ASB5: variants seen among roughly 807,000 people sequenced by gnomAD.
The protein encoded by ASB5 is ankyrin repeat and SOCS box containing 5.
Under a neutral mutation model 42.1 loss-of-function variants are expected in ASB5, and 45 were observed. That is an observed-to-expected ratio of 1.07 (90% CI 0.84 to 1.37). ASB5 has a LOEUF of 1.37. ASB5 is among the 40% of genes most tolerant of loss of function. The probability of loss-of-function intolerance (pLI) is 0.00; values close to 1 mark genes in which losing one functional copy is unlikely to be tolerated. For synonymous variants in ASB5, 147 were observed against 150.6 expected (o/e 0.98, Z 0.18); for missense variants, 402 against 399.8 (o/e 1.01, Z -0.05).
chr4:176,251,116 A>G (rs1236276677), intron 1 of ASB5, among the ~76,000 whole-genome samples: 1 of 151,940 alleles, frequency 6.6e-6, no homozygotes, highest in African/African-American at 2.4e-5. Context: ...CATCTTACAC[A>G]TAAACCTTCT....
In ASB5 at chr4:176,239,121, C is replaced by T. The variant is rs368634792; in HGVS notation, c.197-13780G>A. ...GCCCAGGCTATTTGTATGGGTGGCA[C>T]ATTCCTAGGTGAAGTTAGAAAAGAC... is the stretch of plus-strand genomic sequence containing the variant. On this transcript the variant is annotated intron_variant, in intron 1 of 6. Transcript: ENST00000296525. 7.2e-5 allele frequency among the ~76,000 whole-genome samples: 11 copies of T among 152,250 alleles called. No individual in the cohort carries two copies. In the East Asian group the frequency reaches 1.7e-3, roughly 24 times the overall value.
At chr4:176,226,877 C>G (rs537365887) in intron 1 of ASB5, among the ~76,000 whole-genome samples, 1 of 152,198 alleles carries the variant, frequency 6.6e-6, no homozygotes, top group African/African-American at 2.4e-5. Context: ...AGCTGAGCCC[C>G]GCGTCTGAAG....
At chr4:176,256,594 GT>G (rs951753434) in intron 1 of ASB5, among the ~76,000 whole-genome samples, 6 of 152,078 alleles carry the variant, frequency 3.9e-5, no homozygotes, top group Non-Finnish European at 8.8e-5. Flanking sequence ...TAAATGGTTT[GT>G]TTTTCTTTTT....
intron 1 of ASB5, among the ~76,000 whole-genome samples, chr4:176,247,505 A>G (rs1458017454): frequency 6.6e-6 from 1 of 152,240 alleles, no homozygotes; most frequent in Non-Finnish European, 1.5e-5. Context: ...ATAAGAGCCC[A>G]TAAGCAGACT....
At chr4:176,217,923 T>A (rs1372803451) in intron 5 of ASB5, among the ~76,000 whole-genome samples, 1 of 151,908 alleles carries the variant, frequency 6.6e-6, no homozygotes, top group African/African-American at 2.4e-5. Flanking sequence ...TGTCCCTTTA[T>A]GGCCCTTCTG....
At chr4:176,229,296 G>A (rs891208064) in intron 1 of ASB5, among the ~76,000 whole-genome samples, 3 of 152,170 alleles carry the variant, frequency 2.0e-5, no homozygotes, top group African/African-American at 7.2e-5. Context: ...GCCTAGAGAC[G>A]TGGCCTTTGG....
chr4:176,224,703 C>A, intron 2 of ASB5, among the ~76,000 whole-genome samples: 1 of 150,586 alleles, frequency 6.6e-6, no homozygotes. Flanking sequence ...TCAGAAGCTT[C>A]AAAAAAAAAA....
At chr4:176,250,052 G>T (rs1579329137) in intron 1 of ASB5, among the ~76,000 whole-genome samples, 1 of 142,166 alleles carries the variant, frequency 7.0e-6, no homozygotes, top group Non-Finnish European at 1.5e-5. Flanking sequence ...GTGACAGAGT[G>T]AGACTCCATC....
rs145043214 is a variant in ASB5 at position 176,221,288 on chromosome 4, A to T, written c.537T>A (p.Gly179=). 1 of 1,613,834 alleles carries T rather than the reference A, an allele frequency of 6.2e-7. No individual in the cohort carries two copies. Among genetic ancestry groups the T allele is most frequent in the Non-Finnish European group, 8.5e-7 (1 of 1,179,890 alleles). Residue 179 remains glycine (G), a splice_region_variant and synonymous_variant, in exon 5 of 7, where the codon GGT becomes GGA. Transcript: ENST00000296525. ...TCAGGATGTCAAGACATTCATGGTG[A>T]CCTGCCAACACAAAGTAGAGGAGTT... is the stretch of plus-strand genomic sequence containing the variant. ...PSPTHEAASK[G]HHECLDILIS...
chr4:176,229,982 G>C (rs949401556), intron 1 of ASB5, among the ~76,000 whole-genome samples: 2 of 152,164 alleles, frequency 1.3e-5, no homozygotes, highest in Non-Finnish European at 2.9e-5. Context: ...AAATGGGATC[G>C]GGTGTAGGAA....
Position 176,222,492 on chromosome 4 carries a change from T to C in ASB5, c.277-72A>G, listed in dbSNP as rs938226483. On this transcript the variant is annotated intron_variant, in intron 2 of 6. Transcript: ENST00000296525. ...AAAAAATCATCTATATGGATGTCAC[T>C]AGAGAGTGATATATTTTAGACATCA... 24 of 1,274,520 alleles carry C rather than the reference T, an allele frequency of 1.9e-5. No individual in the cohort carries two copies. In the African/African-American group the frequency reaches 3.5e-4, roughly 18 times the overall value. 79.0% of individuals were successfully genotyped at this position (1,274,520 alleles called of 1,614,324 possible). A position where few individuals can be genotyped will look rare whatever the true frequency, so the allele number is the denominator to read the frequency against.
intron 5 of ASB5, among the ~76,000 whole-genome samples, 183 bp downstream of exon 5, chr4:176,220,972 G>T (rs964342046): frequency 2.0e-5 from 3 of 152,054 alleles, no homozygotes; most frequent in East Asian, 1.9e-4. Flanking sequence ...CAAGAACGAG[G>T]TTCTTTTTTA....
intron 1 of ASB5, among the ~76,000 whole-genome samples, chr4:176,255,320 A>C (rs1052365761): frequency 1.3e-5 from 2 of 152,244 alleles, no homozygotes; most frequent in African/African-American, 4.8e-5. Flanking sequence ...TTTCTCAAGG[A>C]ACTAAGAGTT....
chr4:176,222,597 T>A (rs961167361), intron 2 of ASB5, among the ~76,000 whole-genome samples, 177 bp from the exon 3 acceptor site: 5 of 152,200 alleles, frequency 3.3e-5, no homozygotes, highest in African/African-American at 9.7e-5. Context: ...TTGTTCAGAC[T>A]CCTTAGCCCT....
At chr4:176,237,767 C>A (rs1416133123) in intron 1 of ASB5, among the ~76,000 whole-genome samples, 2 of 152,196 alleles carry the variant, frequency 1.3e-5, no homozygotes, top group South Asian at 4.1e-4. Context: ...GAAATGAGCT[C>A]TATCGTTAAA....
intron 5 of ASB5, among the ~76,000 whole-genome samples, chr4:176,218,137 T>C (rs907382249): frequency 8.4e-6 from 1 of 118,836 alleles, no homozygotes; most frequent in Non-Finnish European, 1.9e-5. Flanking sequence ...ATATATATAT[T>C]TGTATGATAT....
chr4:176,230,898 T>A (rs967508338), intron 1 of ASB5, among the ~76,000 whole-genome samples: 30 of 152,222 alleles, frequency 2.0e-4, no homozygotes, highest in African/African-American at 6.0e-4. Context: ...ATGTGTAATT[T>A]AACTCTTTAG....
intron 1 of ASB5, among the ~76,000 whole-genome samples, chr4:176,236,053 T>C (rs2126959047): frequency 6.6e-6 from 1 of 152,252 alleles, no homozygotes; most frequent in Middle Eastern, 3.4e-3. Context: ...CGAAAAAAAA[T>C]TGTATAGAAA....
chr4:176,237,187 A>G (rs1485291307), intron 1 of ASB5: 2 of 768,648 alleles, frequency 2.6e-6, no homozygotes, highest in Non-Finnish European at 3.2e-6. Flanking sequence ...GTGCATTTCA[A>G]TCCGCATTCT....
Sources: allele counts gnomAD v4.1 joint callset (sites outside exome capture counted in the v4.1 genomes callset), GRCh38; gene constraint gnomAD v4.1.1; transcripts MANE v1.5; gene names NCBI Gene and HGNC (gene_info 2026-07-23, HGNC 2026-07-21).